Variants in ELFN2 observed in about 807,000 individuals in gnomAD.
ELFN2 encodes extracellular leucine rich repeat and fibronectin type III domain containing 2.
A neutral mutation model predicts 45.5 loss-of-function variants in ELFN2; 17 were observed. The ratio of observed to expected loss-of-function variants is 0.37; its 90% CI spans 0.26 to 0.56. The LOEUF is 0.56. Ranked by LOEUF, ELFN2 falls within the 20% of genes least tolerant of loss-of-function variation. ELFN2 has a pLI of 0.77. For missense variants in ELFN2, 922 were observed against 1,183.2 expected (o/e 0.78, Z 3.24); for synonymous variants, 550 against 551.5 (o/e 1.00, Z 0.04).
chr22:37,425,325 G>C (rs763670610), intron 1 of ELFN2, among the ~76,000 whole-genome samples: 1 of 152,202 alleles, frequency 6.6e-6, no homozygotes, highest in Non-Finnish European at 1.5e-5. Flanking sequence ...GGGGGTTCCA[G>C]TCCTGGAAGG....
In ELFN2 at chr22:37,375,840, CCTCCT is replaced by C; in HGVS notation, c.-311_-307del. 1 of 381,962 alleles carries C rather than the reference CCTCCT, an allele frequency of 2.6e-6. No homozygotes were observed. Among genetic ancestry groups the C allele is most frequent in the African/African-American group, 3.1e-5 (1 of 32,568 alleles). The allele number at this position is 381,962 out of a possible 1,614,324, so 23.7% of individuals were successfully genotyped here. On this transcript the variant is annotated 5_prime_UTR_variant, in exon 3 of 3. Transcript: ENST00000402918. ...TCTCAGGGCTTGACTTCCTCTCCCT[CCTCCT>C]CCTCCTCCTCCTCCTCCTCCTCCTC...
At chr22:37,382,286 T>G (rs551715902) in intron 2 of ELFN2, among the ~76,000 whole-genome samples, 21 of 108,854 alleles carry the variant, frequency 1.9e-4, no homozygotes, top group African/African-American at 6.9e-4. Context: ...CTAAAGCTAC[T>G]GGTTCTCCTT....
At chr22:37,349,680 C>T (rs1601731753) in intron 1 of ELFN2, among the ~76,000 whole-genome samples, 1 of 151,100 alleles carries the variant, frequency 6.6e-6, no homozygotes, top group East Asian at 1.9e-4. Context: ...GCAGGGCACA[C>T]TCATCAGCCC....
chr22:37,393,065 C>T (rs984937447), intron 2 of ELFN2, among the ~76,000 whole-genome samples: 2 of 152,176 alleles, frequency 1.3e-5, no homozygotes, highest in Non-Finnish European at 2.9e-5. Context: ...AGGGGGACAG[C>T]GCCCAGGCCC....
chr22:37,361,052 C>A (rs1931073773), intron 1 of ELFN2, among the ~76,000 whole-genome samples: 1 of 152,076 alleles, frequency 6.6e-6, no homozygotes, highest in Non-Finnish European at 1.5e-5. Flanking sequence ...GTCAAAGGAC[C>A]GTTATAAACA....
downstream of ELFN2, among the ~76,000 whole-genome samples, chr22:37,366,318 A>G (rs1931205237): frequency 6.6e-6 from 1 of 152,134 alleles, no homozygotes; most frequent in Admixed American, 6.5e-5. Flanking sequence ...AAGCCTAAGA[A>G]CTGTTGCCGG....
rs1026514262 is a variant in ELFN2, at chr22:37,353,480, A to G, written n.149-10777T>C. On this transcript the variant is annotated intron_variant and non_coding_transcript_variant, in intron 1 of 2. Coordinates refer to ENST00000452946, the Ensembl canonical transcript of ELFN2. ...GGGTGATGCTAGGGTCCAGGACAGC[A>G]TGGAGCGTTGTAAGCGAAGGAAAAG... 3.3e-5 allele frequency: 5 copies of G among 151,060 alleles called. 1 individual carries two copies. The highest frequency in any genetic ancestry group is 1.3e-4 in the Admixed American group (2 of 15,180). 9.4% of individuals were successfully genotyped at this position (151,060 alleles called of 1,614,324 possible). A position where few individuals can be genotyped will look rare whatever the true frequency, so the allele number is the denominator to read the frequency against.
At chr22:37,413,732 G>A (rs916316) in intron 2 of ELFN2, among the ~76,000 whole-genome samples, 53,850 of 152,048 alleles carry the variant, frequency 0.35, 9,917 homozygotes, top group Non-Finnish European at 0.4. Flanking sequence ...ACAGTAGTTA[G>A]GTAATATGCC....
chr22:37,423,075 C>A (rs1327338890), intron 1 of ELFN2, among the ~76,000 whole-genome samples: 1 of 152,040 alleles, frequency 6.6e-6, no homozygotes, highest in Non-Finnish European at 1.5e-5. Flanking sequence ...ACAGCTGAGG[C>A]CACGATAGAC....
rs111745070 is a variant in ELFN2 at position 37,401,689 on chromosome 22, G to A, written c.-463+16080C>T. Among the ~76,000 whole-genome samples the A allele has an allele frequency of 3.3e-3, 496 of 152,292 alleles. 1 individual carries two copies. Among genetic ancestry groups the A allele is most frequent in the African/African-American group, 0.011 (462 of 41,560 alleles). The stretch of plus-strand genomic sequence containing the variant: ...TGGGGGCCACCGCCCTAGGAGGCGC[G>A]TGAGGTTTCCCAGTAACCAAGCCGG... On this transcript the variant is annotated intron_variant, in intron 2 of 2. Coordinates refer to ENST00000402918, the MANE Select transcript of ELFN2 (RefSeq NM_052906.5).
chr22:37,402,425 G>A (rs934073161), intron 2 of ELFN2, among the ~76,000 whole-genome samples: 4 of 152,290 alleles, frequency 2.6e-5, no homozygotes, highest in South Asian at 2.1e-4. Context: ...CAGACCAGAC[G>A]TGCGCCTTGC....
intron 2 of ELFN2, among the ~76,000 whole-genome samples, chr22:37,381,579 A>C (rs1300329849): frequency 1.3e-5 from 2 of 149,050 alleles, no homozygotes; most frequent in East Asian, 2.0e-4. Context: ...GAGATAACTC[A>C]CTCCTCACCC....
intron 2 of ELFN2, among the ~76,000 whole-genome samples, chr22:37,404,266 G>A (rs753555505): frequency 2.0e-5 from 3 of 152,176 alleles, no homozygotes; most frequent in South Asian, 2.1e-4. Flanking sequence ...CGGGAATGGC[G>A]CCAGCGGCCT....
intron 1 of ELFN2, among the ~76,000 whole-genome samples, chr22:37,349,451 G>T (rs1930774061): frequency 6.6e-6 from 1 of 151,190 alleles, no homozygotes; most frequent in African/African-American, 2.4e-5. Context: ...TTCCTGAGAG[G>T]CCCCCCAGGG....
intron 2 of ELFN2, among the ~76,000 whole-genome samples, chr22:37,411,580 C>CT (rs1555924405): frequency 6.6e-6 from 1 of 152,156 alleles, no homozygotes; most frequent in Non-Finnish European, 1.5e-5. Flanking sequence ...ACACAGCAAG[C>CT]GGAGGCAGGA....
intron 1 of ELFN2, among the ~76,000 whole-genome samples, chr22:37,355,439 G>A (rs938495823): frequency 7.9e-5 from 12 of 152,212 alleles, no homozygotes; most frequent in Admixed American, 2.0e-4. Flanking sequence ...CAGAGGGTGC[G>A]CTCGCCCTGA....
chr22:37,389,250 A>G (rs946381547), intron 2 of ELFN2, among the ~76,000 whole-genome samples: 21 of 152,152 alleles, frequency 1.4e-4, no homozygotes, highest in African/African-American at 4.8e-4. Context: ...CTCCCTCAAC[A>G]GCCCACAATG....
At chr22:37,354,714 C>T (rs1394499382) in intron 1 of ELFN2, 1 of 151,520 alleles carries the variant, frequency 6.6e-6, no homozygotes, top group African/African-American at 2.4e-5. Flanking sequence ...GGGTTCTCAC[C>T]CTTGTTACAA....
At chr22:37,405,744 C>A (rs1437810005) in intron 2 of ELFN2, among the ~76,000 whole-genome samples, 2 of 151,842 alleles carry the variant, frequency 1.3e-5, no homozygotes, top group Non-Finnish European at 2.9e-5. Context: ...TGGATCTGAA[C>A]CCTTTCCTGG....
Sources: gnomAD v4.1 joint callset for allele counts (sites outside exome capture counted in the v4.1 genomes callset) on GRCh38, gnomAD v4.1.1 for gene constraint, MANE v1.5 for transcripts, NCBI Gene and HGNC (gene_info 2026-07-23, HGNC 2026-07-21) for gene names.